Variants in RALGPS1 observed in about 807,000 individuals in gnomAD.
The protein encoded by RALGPS1 is ras-specific guanine nucleotide-releasing factor RalGPS1.
Under a neutral mutation model 78.8 loss-of-function variants are expected in RALGPS1, and 19 were observed. That is an observed-to-expected ratio of 0.24 (90% CI 0.17 to 0.35). The LOEUF is 0.35. Among genes scored for constraint, RALGPS1 ranks in the 10% least tolerant of loss-of-function variants. The pLI, the probability that RALGPS1 is intolerant of heterozygous loss-of-function variation, is 1.00. For missense variants in RALGPS1, 454 were observed against 688.3 expected, an observed-to-expected ratio of 0.66 and a Z score of 3.81; for synonymous variants, 228 against 256.3, an observed-to-expected ratio of 0.89 and a Z score of 1.06.
At position 126,981,383 on chromosome 9, in the gene RALGPS1, G is replaced by A. The variant is rs574101799; in HGVS notation, c.216+3638G>A. 4.2e-3 allele frequency among the ~76,000 whole-genome samples: 646 copies of A among 152,328 alleles called. 6 individuals carry two copies. Among genetic ancestry groups the A allele is most frequent in the Non-Finnish European group, 5.7e-3 (386 of 68,018 alleles). On this transcript the variant is annotated intron_variant, in intron 4 of 18. Transcript: ENST00000259351. Reference sequence around the variant, plus strand: ...CTGCCATGGGGGTCCTTGAGTTTCTGGCGCTTGTCTGGAGGGCAGCTCCCA... The same window carrying A: ...CTGCCATGGGGGTCCTTGAGTTTCTAGCGCTTGTCTGGAGGGCAGCTCCCA...
rs866179531 is a variant in RALGPS1 at position 127,219,682 on chromosome 9, G to A, written c.*913G>A. ...CCATGCCAGAATGGGAAGTTGTGAC[G>A]TTGCAGCTCCAACCGACGTGCTCAT... is the stretch of plus-strand genomic sequence containing the variant. On this transcript the variant is annotated 3_prime_UTR_variant, in exon 19 of 19. Transcript: ENST00000259351. The surrounding 1 kb of genome is among the most constrained non-coding windows in gnomAD (Gnocchi z 5.0). 3.3e-5 allele frequency: 5 copies of A among 152,558 alleles called. No individual in the cohort carries two copies. The highest frequency in any genetic ancestry group is 6.5e-5 in the Admixed American group (1 of 15,282). 9.5% of individuals were successfully genotyped at this position (152,558 alleles called of 1,614,324 possible). A position where few individuals can be genotyped will look rare whatever the true frequency, so the allele number is the denominator to read the frequency against.
At chr9:127,196,410 G>A in intron 12 of RALGPS1, 64 bp from the exon 13 acceptor site, 1 of 1,553,758 alleles carries the variant, frequency 6.4e-7, no homozygotes, top group South Asian at 1.2e-5. Context: ...GCCCCAGGCA[G>A]GTGTAACCAC....
intron 1 of RALGPS1, among the ~76,000 whole-genome samples, chr9:126,946,525 A>G (rs1442485461): frequency 8.3e-6 from 1 of 120,564 alleles, no homozygotes; most frequent in Middle Eastern, 4.3e-3. Flanking sequence ...GGGAGCAAGA[A>G]TCTGTCTCAA....
intron 1 of RALGPS1, among the ~76,000 whole-genome samples, chr9:126,918,928 C>T (rs2034470418): frequency 6.6e-6 from 1 of 152,110 alleles, no homozygotes; most frequent in Non-Finnish European, 1.5e-5. Flanking sequence ...CCTCGGCCTC[C>T]CAAAGTGCTG....
At chr9:127,136,181 A>G (rs1468489191) in intron 8 of RALGPS1, among the ~76,000 whole-genome samples, 1 of 152,192 alleles carries the variant, frequency 6.6e-6, no homozygotes, top group Non-Finnish European at 1.5e-5. Context: ...GCCCAGGGTT[A>G]CCCAAGGAGT....
chr9:126,950,864 T>C (rs1212647455), intron 1 of RALGPS1, among the ~76,000 whole-genome samples: 1 of 149,574 alleles, frequency 6.7e-6, no homozygotes, highest in South Asian at 2.1e-4. Flanking sequence ...CTTCAAAAAA[T>C]TAATGAATCC....
chr9:127,034,902 T>A (rs114681678), intron 5 of RALGPS1, among the ~76,000 whole-genome samples: 3,391 of 152,220 alleles, frequency 0.022, 124 homozygotes, highest in African/African-American at 0.077. Context: ...TCAGGCCCCA[T>A]GTGTGTGGTC....
At chr9:126,988,263 T>C (rs2041982560) in intron 4 of RALGPS1, among the ~76,000 whole-genome samples, 1 of 152,082 alleles carries the variant, frequency 6.6e-6, no homozygotes, top group South Asian at 2.1e-4. Flanking sequence ...TTGAGGAGCA[T>C]GGACACGTGT....
chr9:127,181,584 T>C (rs2060225306), intron 11 of RALGPS1, among the ~76,000 whole-genome samples: 1 of 152,242 alleles, frequency 6.6e-6, no homozygotes, highest in Non-Finnish European at 1.5e-5. Flanking sequence ...TGTCCCCAGT[T>C]GGTCCTCAGA....
rs3780323 is a variant in RALGPS1, at chr9:127,184,980, G to C, written c.911-10111G>C. Among the ~76,000 whole-genome samples the C allele has an allele frequency of 5.5e-3, 831 of 152,330 alleles. 27 individuals carry two copies. In the East Asian group the frequency reaches 0.087, roughly 16 times the overall value. ...GCTGCCGGAAATCCGTGGGAACGAG[G>C]CTTCCCATCCCAAACACATGTCTTC... On this transcript the variant is annotated intron_variant, in intron 11 of 18. Coordinates refer to ENST00000259351, the MANE Select transcript of RALGPS1 (RefSeq NM_014636.3).
chr9:126,931,735 C>T (rs982440603), intron 1 of RALGPS1, among the ~76,000 whole-genome samples: 5 of 152,088 alleles, frequency 3.3e-5, no homozygotes, highest in African/African-American at 1.2e-4. Flanking sequence ...TGCTAAAAAT[C>T]ACTGAATTCT....
chr9:127,019,221 T>C (rs1001316122), intron 4 of RALGPS1, among the ~76,000 whole-genome samples: 1 of 152,228 alleles, frequency 6.6e-6, no homozygotes, highest in South Asian at 2.1e-4. Context: ...AATCATTTTC[T>C]GTGCTCTGTG....
intron 5 of RALGPS1, among the ~76,000 whole-genome samples, chr9:127,040,789 C>T (rs2047219846): frequency 6.6e-6 from 1 of 152,180 alleles, no homozygotes; most frequent in Non-Finnish European, 1.5e-5. Flanking sequence ...TTTACCATCT[C>T]TACCGTGGAA....
At chr9:126,958,142 A>AAATATATATATAT (rs113413659) in intron 1 of RALGPS1, among the ~76,000 whole-genome samples, 1 of 77,102 alleles carries the variant, frequency 1.3e-5, no homozygotes, top group African/African-American at 4.1e-5. Context: ...AAAAAAAAAA[A>AAATATATATATAT]ATATATATAT....
chr9:127,079,849 T>C (rs889522170), intron 8 of RALGPS1: 3 of 152,236 alleles, frequency 2.0e-5, no homozygotes, highest in African/African-American at 7.2e-5. Flanking sequence ...ATGTTTATTG[T>C]AAGATGCTAA....
At chr9:127,016,905 G>A (rs1373466731) in intron 4 of RALGPS1, 1 of 152,082 alleles carries the variant, frequency 6.6e-6, no homozygotes, top group Non-Finnish European at 1.5e-5. Flanking sequence ...ATATTTCAAT[G>A]TCACGTCTTT....
chr9:127,110,102 T>C (rs1173643352), intron 8 of RALGPS1, among the ~76,000 whole-genome samples: 1 of 152,208 alleles, frequency 6.6e-6, no homozygotes, highest in Non-Finnish European at 1.5e-5. Context: ...CTCCCCTTTT[T>C]AGCAAAGCCT....
intron 8 of RALGPS1, among the ~76,000 whole-genome samples, chr9:127,084,317 G>A (rs907955920): frequency 6.6e-6 from 1 of 152,196 alleles, no homozygotes; most frequent in African/African-American, 2.4e-5. Flanking sequence ...AGGGGAGGAA[G>A]AAGGGAGAGA....
At chr9:126,921,288 T>G (rs993979852) in intron 1 of RALGPS1, among the ~76,000 whole-genome samples, 2 of 152,220 alleles carry the variant, frequency 1.3e-5, no homozygotes, top group African/African-American at 2.4e-5. Context: ...TCACTAGCCC[T>G]GTGGCTGATA....
Sources: allele counts gnomAD v4.1 joint callset (sites outside exome capture counted in the v4.1 genomes callset), GRCh38; gene constraint gnomAD v4.1.1; non-coding constraint Gnocchi (gnomAD v3.1); transcripts MANE v1.5; gene names NCBI Gene and HGNC (gene_info 2026-07-23, HGNC 2026-07-21).